Variants in PLPP1 observed in about 807,000 individuals in gnomAD.
PLPP1 encodes lipid phosphate phosphohydrolase 1a.
In PLPP1, 24 loss-of-function variants were observed where a neutral mutation model predicts 31.2. The observed-to-expected ratio is 0.77, with a 90% CI of 0.56 to 1.08. The LOEUF is 1.08. PLPP1 is among the 50% of genes least tolerant of loss of function. The pLI, the probability that PLPP1 is intolerant of heterozygous loss-of-function variation, is 0.00. For missense variants in PLPP1, 319 were observed against 342.7 expected (o/e 0.93, Z 0.55); for synonymous variants, 146 against 126.3 (o/e 1.16, Z -1.05).
chr5:55,532,397 T>C (rs1330714923), intron 1 of PLPP1, among the ~76,000 whole-genome samples: 2 of 152,198 alleles, frequency 1.3e-5, no homozygotes, highest in African/African-American at 4.8e-5. Flanking sequence ...AAGACAAAGA[T>C]GATATGTAAT....
intron 1 of PLPP1, among the ~76,000 whole-genome samples, chr5:55,503,779 AACGAAGGAG>A (rs555216508): frequency 0.017 from 2,361 of 137,404 alleles, 34 homozygotes; most frequent in Non-Finnish European, 0.026. Context: ...GCTGTCTCAA[AACGAAGGAG>A]AGGAAGGGGA....
chr5:55,458,887 C>CAAA (rs529067608), intron 3 of PLPP1, among the ~76,000 whole-genome samples: 586 of 21,068 alleles, frequency 0.028, 141 homozygotes, highest in Non-Finnish European at 0.057. Flanking sequence ...ACCCTGTCTC[C>CAAA]AAAAAAAAAA....
intron 1 of PLPP1, chr5:55,484,702 G>C (rs1752740127): frequency 6.6e-6 from 1 of 152,066 alleles, no homozygotes; most frequent in Admixed American, 6.6e-5. Flanking sequence ...TGAGCCCCTT[G>C]GTTCACACCT....
In PLPP1 at chr5:55,530,471, G is replaced by A. The variant is rs1316391308; in HGVS notation, c.58+4101C>T. The A allele has an allele frequency of 7.4e-6, 9 of 1,223,276 alleles. No individual in the cohort carries two copies. In the East Asian group the frequency reaches 1.4e-4, roughly 19 times the overall value. The allele number at this position is 1,223,276 out of a possible 1,614,324, so 75.8% of individuals were successfully genotyped here. A position where few individuals can be genotyped will look rare whatever the true frequency, so the allele number is the denominator to read the frequency against. ...TTGTATTCTCTTGGTAAGTTTCTGT[G>A]TTATCAGATGTGGATGTTTCACTCC... On this transcript the variant is annotated intron_variant, in intron 1 of 5. Transcript: ENST00000307259.
chr5:55,425,845 G>T lies in PLPP1; in HGVS notation c.726+18C>A. On this transcript the variant is annotated intron_variant, in intron 5 of 5. Coordinates refer to ENST00000307259, the MANE Select transcript of PLPP1 (RefSeq NM_003711.4). ...GTTTAGCAATATCAAGATGTAGGCT[G>T]TTGACCTGTATACTTACAACTAATA... The T allele has an allele frequency of 1.3e-6, 2 of 1,556,446 alleles. No individual in the cohort carries two copies. The highest frequency in any genetic ancestry group is 1.4e-5 in the African/African-American group (1 of 72,312).
At chr5:55,506,855 T>G (rs1191401622) in intron 1 of PLPP1, among the ~76,000 whole-genome samples, 1 of 152,216 alleles carries the variant, frequency 6.6e-6, no homozygotes, top group Non-Finnish European at 1.5e-5. Flanking sequence ...AAATAAAATT[T>G]TTTTTGGCTC....
chr5:55,527,574 T>C (rs764199326), intron 1 of PLPP1, among the ~76,000 whole-genome samples: 4 of 152,152 alleles, frequency 2.6e-5, no homozygotes, highest in Non-Finnish European at 5.9e-5. Flanking sequence ...TAGACATAGA[T>C]GGGTATTATC....
At chr5:55,470,735 C>A (rs913142967) in intron 2 of PLPP1, among the ~76,000 whole-genome samples, 2 of 152,180 alleles carry the variant, frequency 1.3e-5, no homozygotes, top group African/African-American at 2.4e-5. Context: ...TTACCCTAAC[C>A]TTTGAGCCAT....
At chr5:55,497,801 G>A (rs983028880) in intron 1 of PLPP1, among the ~76,000 whole-genome samples, 9 of 152,098 alleles carry the variant, frequency 5.9e-5, no homozygotes, top group African/African-American at 1.9e-4. Flanking sequence ...TACAGACTTG[G>A]AAAGACAAAG....
chr5:55,528,983 C>T (rs1210464612), intron 1 of PLPP1, among the ~76,000 whole-genome samples: 1 of 152,084 alleles, frequency 6.6e-6, no homozygotes, highest in African/African-American at 2.4e-5. Flanking sequence ...GAATCTTTCT[C>T]ACTGTATCAC....
rs373774378 is a variant in PLPP1, at chr5:55,510,250, T to A, written c.58+24322A>T. 1.6e-4 allele frequency among the ~76,000 whole-genome samples: 25 copies of A among 152,370 alleles called. No homozygotes were observed. The East Asian group carries it at 1.9e-3, about 12-fold the overall frequency. ...GCATAATCAAAAACGCATTATGCTA[T>A]GTGAAAGAGACTAGACTCAAATGGC... On this transcript the variant is annotated intron_variant, in intron 1 of 5. Coordinates refer to ENST00000307259, the MANE Select transcript of PLPP1 (RefSeq NM_003711.4).
chr5:55,452,914 A>C (rs1561228858), intron 3 of PLPP1, among the ~76,000 whole-genome samples: 1 of 152,228 alleles, frequency 6.6e-6, no homozygotes, highest in African/African-American at 2.4e-5. Flanking sequence ...CACCAAAACA[A>C]AAGAAAAATT....
rs145909578 is a variant in PLPP1, at chr5:55,440,629, T to C, written c.549+1222A>G. ...TTCACAAAATTTAATTAATGTAAGATGAAAGCTTTGAAAATTAGCTGTTGT... is the reference window on the plus strand; with the variant it reads ...TTCACAAAATTTAATTAATGTAAGACGAAAGCTTTGAAAATTAGCTGTTGT... On this transcript the variant is annotated intron_variant, in intron 4 of 5. Coordinates refer to ENST00000307259, the MANE Select transcript of PLPP1 (RefSeq NM_003711.4). Among the ~76,000 whole-genome samples the C allele has an allele frequency of 2.8e-3, 423 of 152,344 alleles. 1 individual carries two copies. The highest frequency in any genetic ancestry group is 9.8e-3 in the African/African-American group (406 of 41,588).
chr5:55,458,911 A>AAAC (rs1752086157), intron 3 of PLPP1, among the ~76,000 whole-genome samples: 2 of 146,942 alleles, frequency 1.4e-5, no homozygotes, highest in African/African-American at 5.1e-5. Context: ...AAAAAAAAAA[A>AAAC]AAAAACACAT....
At chr5:55,506,214 C>T (rs1285598610) in intron 1 of PLPP1, among the ~76,000 whole-genome samples, 1 of 150,750 alleles carries the variant, frequency 6.6e-6, no homozygotes, top group African/African-American at 2.4e-5. Flanking sequence ...AATGGTCAGT[C>T]CTACTTTAGC....
chr5:55,446,212 T>C (rs1751760793), intron 3 of PLPP1, among the ~76,000 whole-genome samples: 2 of 152,230 alleles, frequency 1.3e-5, no homozygotes, highest in Admixed American at 6.5e-5. Flanking sequence ...TATGGGATGC[T>C]GATTCAACAC....
intron 1 of PLPP1, among the ~76,000 whole-genome samples, chr5:55,498,375 T>C (rs1027508626): frequency 2.0e-5 from 3 of 146,758 alleles, no homozygotes; most frequent in Non-Finnish European, 4.5e-5. Context: ...CCTACACAAC[T>C]GTGGATCGTG....
At chr5:55,532,768 C>A (rs1432653824) in intron 1 of PLPP1, among the ~76,000 whole-genome samples, 1 of 152,054 alleles carries the variant, frequency 6.6e-6, no homozygotes, top group Non-Finnish European at 1.5e-5. Context: ...GCCAGCCTGG[C>A]CAAGACGGTG....
chr5:55,479,023 AT>A (rs11352656), intron 1 of PLPP1, among the ~76,000 whole-genome samples: 75,030 of 132,970 alleles, frequency 0.56, 20,750 homozygotes, highest in South Asian at 0.65. Context: ...AGCCTATGAG[AT>A]TTTTTTTTTT....
Sources: allele counts gnomAD v4.1 joint callset (sites outside exome capture counted in the v4.1 genomes callset), GRCh38; gene constraint gnomAD v4.1.1; transcripts MANE v1.5; gene names NCBI Gene and HGNC (gene_info 2026-07-23, HGNC 2026-07-21).